Variants in MPZL1 observed in about 807,000 individuals in gnomAD.
MPZL1 encodes myelin protein zero like 1.
MPZL1 carries 16 observed loss-of-function variants against 29.3 expected under a neutral mutation model. That is an observed-to-expected ratio of 0.55 (90% CI 0.37 to 0.83). The LOEUF is 0.83. Among genes scored for constraint, MPZL1 ranks in the 40% least tolerant of loss-of-function variants. The probability of loss-of-function intolerance (pLI) is 0.00; values close to 1 mark genes in which losing one functional copy is unlikely to be tolerated. For synonymous variants in MPZL1, 143 were observed against 132.0 expected (o/e 1.08, Z -0.57); for missense variants, 279 against 332.9 (o/e 0.84, Z 1.26).
chr1:167,763,193 C>A (rs949154605), intron 1 of MPZL1, among the ~76,000 whole-genome samples: 1 of 152,072 alleles, frequency 6.6e-6, no homozygotes, highest in African/African-American at 2.4e-5. Context: ...TGCAGCTAGG[C>A]CTCGAGGAAG....
rs187975916 is a variant in MPZL1 at position 167,780,856 on chromosome 1, G to A, written c.708+4690G>A. Among the ~76,000 whole-genome samples the A allele has an allele frequency of 2.3e-4, 35 of 152,168 alleles. No individual in the cohort carries two copies. In the East Asian group the frequency reaches 6.8e-3, roughly 29 times the overall value. The stretch of plus-strand genomic sequence containing the variant: ...ACTACTAAGCTGTACACTTTAAAAT[G>A]GTAAAGATGCTAATTTTTATGTTAT... On this transcript the variant is annotated intron_variant, in intron 5 of 5. Coordinates refer to ENST00000359523, the MANE Select transcript of MPZL1 (RefSeq NM_003953.6).
chr1:167,780,492 CAA>C (rs1453738640), intron 5 of MPZL1, among the ~76,000 whole-genome samples: 1 of 152,070 alleles, frequency 6.6e-6, no homozygotes, highest in Non-Finnish European at 1.5e-5. Context: ...AGAAGCAACC[CAA>C]GAGTCCATCA....
At chr1:167,737,553 C>T (rs938679535) in intron 1 of MPZL1, among the ~76,000 whole-genome samples, 4 of 152,192 alleles carry the variant, frequency 2.6e-5, no homozygotes, top group Non-Finnish European at 4.4e-5. Flanking sequence ...AGTACATTCT[C>T]TCCCTGTGCT....
intron 2 of MPZL1, among the ~76,000 whole-genome samples, chr1:167,770,904 T>G (rs922539041): frequency 1.6e-4 from 24 of 152,220 alleles, no homozygotes; most frequent in Admixed American, 6.5e-4. Context: ...TGAGTCTGAT[T>G]CTTCCATTGA....
intron 1 of MPZL1, among the ~76,000 whole-genome samples, chr1:167,755,487 A>G (rs1490304756): frequency 2.0e-5 from 3 of 152,212 alleles, no homozygotes; most frequent in Non-Finnish European, 1.5e-5. Context: ...TCTATCAGAT[A>G]TGCCTCCAGA....
At chr1:167,769,592 G>C (rs1661195423) in intron 2 of MPZL1, among the ~76,000 whole-genome samples, 1 of 152,196 alleles carries the variant, frequency 6.6e-6, no homozygotes, top group Non-Finnish European at 1.5e-5. Flanking sequence ...TTTCACAGGA[G>C]TCCGTGTCTT....
At chr1:167,783,955 T>G (rs770471607) in intron 5 of MPZL1, among the ~76,000 whole-genome samples, 43 of 152,306 alleles carry the variant, frequency 2.8e-4, no homozygotes, top group Non-Finnish European at 5.9e-4. Flanking sequence ...TGGGGATGAC[T>G]CCTCTAACAC....
intron 1 of MPZL1, among the ~76,000 whole-genome samples, chr1:167,759,327 G>A (rs1660932558): frequency 6.6e-6 from 1 of 152,168 alleles, no homozygotes; most frequent in Admixed American, 6.5e-5. Flanking sequence ...CTCTGTGGAT[G>A]AGCTATCTGA....
intron 1 of MPZL1, among the ~76,000 whole-genome samples, chr1:167,723,237 T>C (rs955109435): frequency 9.9e-5 from 15 of 152,244 alleles, no homozygotes; most frequent in African/African-American, 3.1e-4. Flanking sequence ...ATGTCAGTTA[T>C]GATTTAGCAT....
intron 1 of MPZL1, among the ~76,000 whole-genome samples, chr1:167,723,055 T>G (rs1335656275): frequency 6.6e-6 from 1 of 152,260 alleles, no homozygotes; most frequent in African/African-American, 2.4e-5. Flanking sequence ...TTATGGGAAT[T>G]GGATGACTTG....
chr1:167,740,781 C>T (rs1195812277), intron 1 of MPZL1, among the ~76,000 whole-genome samples: 1 of 152,194 alleles, frequency 6.6e-6, no homozygotes, highest in Admixed American at 6.5e-5. Flanking sequence ...GTCTCATTGA[C>T]ATTGCAAACT....
At chr1:167,746,593 A>G (rs1660651898) in intron 1 of MPZL1, among the ~76,000 whole-genome samples, 1 of 152,098 alleles carries the variant, frequency 6.6e-6, no homozygotes, top group Non-Finnish European at 1.5e-5. Flanking sequence ...AGGGGGTGCT[A>G]TTTCCTTCTG....
rs1049892576 is a variant in MPZL1 at position 167,777,683 on chromosome 1, A to C, written c.708+1517A>C. On this transcript the variant is annotated intron_variant, in intron 5 of 5. Coordinates refer to ENST00000359523, the MANE Select transcript of MPZL1 (RefSeq NM_003953.6). ...TATACACATAGGAGAACACTCTCTG[A>C]AACCAGGGGAAGAACTACCTGAAAT... Among the ~76,000 whole-genome samples the C allele has an allele frequency of 7.2e-5, 11 of 152,330 alleles. No homozygotes were observed. In the East Asian group the frequency reaches 1.9e-3, roughly 27 times the overall value.
chr1:167,771,780 G>A (rs1003267421), intron 2 of MPZL1, among the ~76,000 whole-genome samples: 1 of 150,904 alleles, frequency 6.6e-6, no homozygotes, highest in Non-Finnish European at 1.5e-5. Context: ...CAGGTGGCTG[G>A]GAGGTGGAGG....
intron 1 of MPZL1, among the ~76,000 whole-genome samples, chr1:167,760,999 A>G (rs74120657): frequency 1.4e-3 from 209 of 152,326 alleles, no homozygotes; most frequent in African/African-American, 4.5e-3. Context: ...AGGTTTTAGC[A>G]GGGAGTAACT....
At chr1:167,740,770 G>A (rs959456750) in intron 1 of MPZL1, among the ~76,000 whole-genome samples, 1 of 152,116 alleles carries the variant, frequency 6.6e-6, no homozygotes, top group Non-Finnish European at 1.5e-5. Context: ...GAGGTCTCAA[G>A]GTCTCATTGA....
At chr1:167,726,406 T>G (rs1660146867) in intron 1 of MPZL1, among the ~76,000 whole-genome samples, 1 of 152,218 alleles carries the variant, frequency 6.6e-6, no homozygotes, top group Non-Finnish European at 1.5e-5. Flanking sequence ...GACAGACAAA[T>G]CATCTGTCTT....
chr1:167,763,760 G>A (rs367795093), intron 1 of MPZL1, among the ~76,000 whole-genome samples: 2 of 152,256 alleles, frequency 1.3e-5, no homozygotes, highest in East Asian at 3.9e-4. Flanking sequence ...GAACTCTTTT[G>A]TTTGCATCTC....
chr1:167,722,325 A>T, intron 1 of MPZL1, 83 bp downstream of exon 1: 2 of 1,228,422 alleles, frequency 1.6e-6, no homozygotes, highest in African/African-American at 1.6e-5. Context: ...GTCGCAGGCC[A>T]GGCGCGCGCA....
Sources: allele counts gnomAD v4.1 joint callset (sites outside exome capture counted in the v4.1 genomes callset), GRCh38; gene constraint gnomAD v4.1.1; transcripts MANE v1.5; gene names NCBI Gene and HGNC (gene_info 2026-07-23, HGNC 2026-07-21).